The following ZNF184 variants were observed in gnomAD, a reference collection of about 807,000 sequenced individuals.
ZNF184 encodes zinc finger protein 184 (Kruppel-like).
Under a neutral mutation model 54.4 loss-of-function variants are expected in ZNF184, and 16 were observed. The ratio of observed to expected loss-of-function variants is 0.29; its 90% CI spans 0.20 to 0.45. The LOEUF (loss-of-function observed/expected upper bound fraction) is 0.45. Among genes scored for constraint, ZNF184 ranks in the 20% least tolerant of loss-of-function variants. The pLI, the probability that ZNF184 is intolerant of heterozygous loss-of-function variation, is 1.00. For synonymous variants in ZNF184, 254 were observed against 295.3 expected (o/e 0.86, Z 1.43); for missense variants, 681 against 888.2 (o/e 0.77, Z 2.97).
the ZNF184 span, among the ~76,000 whole-genome samples, chr6:27,420,418 G>T: frequency 6.6e-6 from 1 of 152,014 alleles, no homozygotes; most frequent in African/African-American, 2.4e-5. Flanking sequence ...GGCCACAACT[G>T]TGCAGTCTGT....
rs368755820 is a variant in ZNF184, at chr6:27,451,686, G to A, written c.1873C>T (p.His625Tyr). ...ECAECGKAFR[H>Y]CSSLAQHQKT... ...TGATGTTGAGCAAGAGATGAACAATGTCGAAAGGCTTTACCACACTCAGCA... is the reference window on the plus strand; with the variant it reads ...TGATGTTGAGCAAGAGATGAACAATATCGAAAGGCTTTACCACACTCAGCA... Residue 625 changes from histidine to tyrosine, a missense_variant, in exon 6 of 6, where the codon CAT becomes TAT. Physicochemically the swap from His to Tyr is moderately conservative, Grantham distance 83. Coordinates refer to ENST00000683788, the MANE Select transcript of ZNF184 (RefSeq NM_001318891.2). 2 of 1,613,874 alleles carry A rather than the reference G, an allele frequency of 1.2e-6. No homozygotes were observed. Among genetic ancestry groups the A allele is most frequent in the African/African-American group, 1.3e-5 (1 of 74,878 alleles).
In ZNF184 at chr6:27,451,076, TCCATAAA is replaced by T; in HGVS notation, c.*220_*226del. On this transcript the variant is annotated 3_prime_UTR_variant, in exon 6 of 6. Transcript: ENST00000683788. ...AAATAATCTACTCCAAATCCTTCAT[TCCATAAA>T]GGAAACTAAAGCTTAAAACAGTAGA... 1 of 440,380 alleles carries T rather than the reference TCCATAAA, an allele frequency of 2.3e-6. No individual in the cohort carries two copies. Among genetic ancestry groups the T allele is most frequent in the East Asian group, 3.5e-5 (1 of 28,894 alleles). The allele number at this position is 440,380 out of a possible 1,614,324, so 27.3% of individuals were successfully genotyped here.
chr6:27,420,083 G>A, the ZNF184 span, among the ~76,000 whole-genome samples: 1 of 152,108 alleles, frequency 6.6e-6, no homozygotes, highest in Admixed American at 6.6e-5. Context: ...TTCTCAAGAA[G>A]CCTACACTGC....
the ZNF184 span, among the ~76,000 whole-genome samples, chr6:27,445,592 G>A: frequency 6.6e-6 from 1 of 151,950 alleles, no homozygotes; most frequent in South Asian, 2.1e-4. Flanking sequence ...TTCTGCCATG[G>A]GATGATGCAA....
At chr6:27,425,888 C>G in the ZNF184 span, among the ~76,000 whole-genome samples, 1 of 152,192 alleles carries the variant, frequency 6.6e-6, no homozygotes, top group Non-Finnish European at 1.5e-5. Context: ...AGATCTCACT[C>G]TCTTCAGATA....
chr6:27,408,824 G>A, the ZNF184 span, among the ~76,000 whole-genome samples: 2 of 151,844 alleles, frequency 1.3e-5, no homozygotes, highest in African/African-American at 4.8e-5. Flanking sequence ...TGCAGTTTAG[G>A]AACTTTTAGG....
the ZNF184 span, chr6:27,408,012 C>G: frequency 8.1e-7 from 1 of 1,232,684 alleles, no homozygotes. Context: ...ATTTGTTCAT[C>G]TCTTGGTTAT....
At chr6:27,430,467 C>T in the ZNF184 span, among the ~76,000 whole-genome samples, 4 of 151,852 alleles carry the variant, frequency 2.6e-5, no homozygotes, top group African/African-American at 2.4e-5. Flanking sequence ...TGGTTAGCAG[C>T]GTGGACTCTA....
the ZNF184 span, among the ~76,000 whole-genome samples, chr6:27,419,254 C>T: frequency 1.3e-5 from 2 of 152,108 alleles, no homozygotes; most frequent in Admixed American, 6.5e-5. The surrounding 1 kb of genome is among the most constrained non-coding windows in gnomAD (Gnocchi z 4.8). Context: ...TACAGGCCTG[C>T]ACTACCACCT....
rs762623776 is a variant in ZNF184 at position 27,453,214 on chromosome 6, G to A, written c.345C>T (p.Asp115=). The change falls in exon 6 of 6, where the codon GAC becomes GAT. Residue 115 remains aspartate (D), a synonymous_variant. Coordinates refer to ENST00000683788, the MANE Select transcript of ZNF184 (RefSeq NM_001318891.2). The surrounding 1 kb of genome is among the most constrained non-coding windows in gnomAD (Gnocchi z 4.7). The stretch of plus-strand genomic sequence containing the variant: ...CTGGAGATAGCTCTTCTTCAGAAAT[G>A]TCAGGCTCTGGGGCTGACACACTAT... ...LENSVSAPEP[D]ISEEELSPEV... 3.7e-6 allele frequency: 6 copies of A among 1,612,844 alleles called. No homozygotes were observed. The highest frequency in any genetic ancestry group is 3.3e-5 in the South Asian group (3 of 90,770).
chr6:27,428,877 G>C, the ZNF184 span, among the ~76,000 whole-genome samples: 1 of 152,134 alleles, frequency 6.6e-6, no homozygotes, highest in Non-Finnish European at 1.5e-5. This position sits in a 1 kb window ranked among gnomAD's most constrained non-coding sequence, Gnocchi z 4.1. Context: ...ATACTGATAA[G>C]GCAAACACTC....
At chr6:27,413,095 C>A in the ZNF184 span, among the ~76,000 whole-genome samples, 1 of 149,934 alleles carries the variant, frequency 6.7e-6, no homozygotes, top group Non-Finnish European at 1.5e-5. Context: ...CCTGTCTCTA[C>A]TAAAAATACA....
chr6:27,432,049 G>A, the ZNF184 span, among the ~76,000 whole-genome samples: 1 of 152,162 alleles, frequency 6.6e-6, no homozygotes, highest in African/African-American at 2.4e-5. The surrounding 1 kb of genome is among the most constrained non-coding windows in gnomAD (Gnocchi z 4.0). Flanking sequence ...ATGGGACTGG[G>A]ATAAGGGTTT....
At chr6:27,410,951 G>T in the ZNF184 span, among the ~76,000 whole-genome samples, 1 of 152,230 alleles carries the variant, frequency 6.6e-6, no homozygotes, top group East Asian at 1.9e-4. Flanking sequence ...GGAAGCTGGG[G>T]TTCTTAAAAC....
chr6:27,436,227 G>A, the ZNF184 span, among the ~76,000 whole-genome samples: 21 of 152,058 alleles, frequency 1.4e-4, 1 homozygote, highest in East Asian at 3.1e-3. Context: ...CAGGTGGCAC[G>A]ATCTCAGCTC....
the ZNF184 span, among the ~76,000 whole-genome samples, chr6:27,422,208 G>GAAAGAAAGAAAGAAAGAAAGAAAGAAAGA: frequency 9.4e-6 from 1 of 106,468 alleles, no homozygotes; most frequent in East Asian, 2.9e-4. Context: ...AAGAAAGAAA[G>GAAAGAAAGAAAGAAAGAAAGAAAGAAAGA]AAAGAAAGAA....
chr6:27,455,221 G>T, intron 5 of ZNF184, among the ~76,000 whole-genome samples: 1 of 152,098 alleles, frequency 6.6e-6, no homozygotes. Flanking sequence ...TCATCATCAG[G>T]TCAAATTCCA....
chr6:27,416,203 A>G, the ZNF184 span, among the ~76,000 whole-genome samples: 1 of 152,124 alleles, frequency 6.6e-6, no homozygotes, highest in Non-Finnish European at 1.5e-5. Context: ...AATAAAACAT[A>G]TAACAGTGTC....
At chr6:27,432,840 G>T in the ZNF184 span, among the ~76,000 whole-genome samples, 1 of 152,172 alleles carries the variant, frequency 6.6e-6, no homozygotes, top group Non-Finnish European at 1.5e-5. The surrounding 1 kb of genome is among the most constrained non-coding windows in gnomAD (Gnocchi z 4.0). Flanking sequence ...GCCAGTGAGT[G>T]ACTTCCATGG....
Sources: gnomAD v4.1 joint callset for allele counts (sites outside exome capture counted in the v4.1 genomes callset) on GRCh38, gnomAD v4.1.1 for gene constraint, Gnocchi (gnomAD v3.1) non-coding constraint, MANE v1.5 for transcripts, NCBI Gene and HGNC (gene_info 2026-07-23, HGNC 2026-07-21) for gene names.